MTUS2: variants seen among roughly 807,000 people sequenced by gnomAD.
MTUS2 encodes the protein microtubule-associated tumor suppressor candidate 2.
A neutral mutation model predicts 114.1 loss-of-function variants in MTUS2; 40 were observed. The observed-to-expected ratio is 0.35, with a 90% confidence interval of 0.27 to 0.46. The LOEUF is 0.46. Ranked by LOEUF, MTUS2 falls within the 20% of genes least tolerant of loss-of-function variation. The pLI, the probability that MTUS2 is intolerant of heterozygous loss-of-function variation, is 1.00. For missense variants in MTUS2, 1,679 were observed against 1,705.4 expected, an observed-to-expected ratio of 0.98 and a Z score of 0.27; for synonymous variants, 688 against 672.0, an observed-to-expected ratio of 1.02 and a Z score of -0.37.
intron 2 of MTUS2, among the ~76,000 whole-genome samples, chr13:28,967,172 T>G (rs1414886961): frequency 6.6e-6 from 1 of 152,172 alleles, no homozygotes; most frequent in South Asian, 2.1e-4. Context: ...TATGGAATGG[T>G]CAGTAGCATC....
Position 29,026,226 on chromosome 13 carries a change from A to G in MTUS2, c.1528A>G (p.Arg510Gly). 6.2e-7 allele frequency: 1 copy of G among 1,614,018 alleles called. No individual in the cohort carries two copies. Among genetic ancestry groups the G allele is most frequent in the Admixed American group, 1.7e-5 (1 of 60,024 alleles). ...GGTCACCACATCTGTTGCTGAAAACAGGAACCTTCTAGAGAATGCAGATAA... is the reference window on the plus strand; with the variant it reads ...GGTCACCACATCTGTTGCTGAAAACGGGAACCTTCTAGAGAATGCAGATAA... ...KEVTTSVAEN[R>G]NLLENADKIE... is the part of the protein sequence containing the mutation. Residue 510 changes from arginine (R) to glycine (G), a missense_variant, in exon 3 of 16, where the codon AGG (arginine) becomes GGG (glycine). Coordinates refer to ENST00000612955, the MANE Select transcript of MTUS2 (RefSeq NM_001033602.4).
intron 9 of MTUS2, among the ~76,000 whole-genome samples, chr13:29,448,645 G>T (rs958944987): frequency 1.3e-5 from 2 of 150,364 alleles, no homozygotes; most frequent in African/African-American, 2.5e-5. Context: ...CAGGCCACTG[G>T]TTTTCATCTT....
intron 6 of MTUS2, among the ~76,000 whole-genome samples, chr13:29,292,763 G>A (rs555407846): frequency 1.9e-4 from 29 of 152,006 alleles, no homozygotes; most frequent in African/African-American, 7.0e-4. Flanking sequence ...AGTGTAGTTT[G>A]CAGTAAAGGG....
At chr13:28,959,514 C>T (rs1395056659) in intron 2 of MTUS2, among the ~76,000 whole-genome samples, 1 of 137,572 alleles carries the variant, frequency 7.3e-6, no homozygotes, top group African/African-American at 2.7e-5. Flanking sequence ...TTGTATGGCT[C>T]ATGGTCTGCA....
intron 5 of MTUS2, among the ~76,000 whole-genome samples, chr13:29,246,575 C>G (rs1043695130): frequency 3.3e-5 from 5 of 152,210 alleles, no homozygotes; most frequent in Non-Finnish European, 5.9e-5. Context: ...AAGTTGAACT[C>G]AAACAGCACC....
intron 6 of MTUS2, among the ~76,000 whole-genome samples, chr13:29,319,330 G>C (rs1900153827): frequency 6.6e-6 from 1 of 152,126 alleles, no homozygotes; most frequent in Non-Finnish European, 1.5e-5. Context: ...TGTCCCCCAG[G>C]GGGGACTTCA....
At chr13:29,502,303 C>T (rs1194117895) in intron 15 of MTUS2, among the ~76,000 whole-genome samples, 1 of 152,242 alleles carries the variant, frequency 6.6e-6, no homozygotes, top group East Asian at 1.9e-4. Context: ...TGTCATTCTT[C>T]AAAAATGCAA....
intron 4 of MTUS2, among the ~76,000 whole-genome samples, chr13:29,062,703 G>A (rs1388952855): frequency 6.6e-6 from 1 of 151,924 alleles, no homozygotes; most frequent in African/African-American, 2.4e-5. Flanking sequence ...TCCCTCCTAT[G>A]TTGATCCTGT....
chr13:28,868,980 A>C (rs1365967830), intron 2 of MTUS2, among the ~76,000 whole-genome samples: 3 of 152,144 alleles, frequency 2.0e-5, no homozygotes, highest in African/African-American at 7.2e-5. Context: ...CTTTACTCTT[A>C]GGTGCAAGCA....
At chr13:28,990,870 G>A (rs981395522) in intron 2 of MTUS2, among the ~76,000 whole-genome samples, 1 of 151,960 alleles carries the variant, frequency 6.6e-6, no homozygotes, top group African/African-American at 2.4e-5. Context: ...GAGGGTCTGC[G>A]GCTTCATTCC....
intron 8 of MTUS2, among the ~76,000 whole-genome samples, chr13:29,374,203 A>G (rs1300449569): frequency 6.6e-6 from 1 of 152,242 alleles, no homozygotes; most frequent in Non-Finnish European, 1.5e-5. Context: ...AACCTAACAG[A>G]CAATTTTAAA....
intron 5 of MTUS2, among the ~76,000 whole-genome samples, chr13:29,248,496 C>A (rs1268425064): frequency 3.3e-5 from 5 of 151,844 alleles, no homozygotes; most frequent in Non-Finnish European, 7.4e-5. Flanking sequence ...CTTTAAGTTC[C>A]AGGATACATG....
chr13:29,391,300 G>C (rs939462357), intron 8 of MTUS2, among the ~76,000 whole-genome samples: 4 of 152,168 alleles, frequency 2.6e-5, no homozygotes, highest in Admixed American at 6.5e-5. Context: ...ATGTTGGCCA[G>C]GTTGGACACC....
intron 4 of MTUS2, among the ~76,000 whole-genome samples, chr13:29,059,787 A>G (rs1026685061): frequency 1.3e-5 from 2 of 152,184 alleles, no homozygotes; most frequent in African/African-American, 4.8e-5. Context: ...CCTGCTGGCT[A>G]AGTTCAGACA....
intron 7 of MTUS2, among the ~76,000 whole-genome samples, chr13:29,338,965 G>A (rs1324327598): frequency 6.6e-6 from 1 of 152,146 alleles, no homozygotes; most frequent in African/African-American, 2.4e-5. Flanking sequence ...AGGTGAAGCA[G>A]TGGGAAGTGC....
At chr13:29,270,363 G>A (rs1669362774) in intron 5 of MTUS2, among the ~76,000 whole-genome samples, 1 of 152,120 alleles carries the variant, frequency 6.6e-6, no homozygotes, top group Admixed American at 6.5e-5. Flanking sequence ...CTCAGACGCG[G>A]TGGACAGCAT....
At chr13:29,436,988 C>T (rs578255282) in intron 8 of MTUS2, among the ~76,000 whole-genome samples, 3 of 152,286 alleles carry the variant, frequency 2.0e-5, no homozygotes, top group African/African-American at 7.2e-5. Context: ...ATAGTCAGCG[C>T]CATACCGAAG....
intron 4 of MTUS2, among the ~76,000 whole-genome samples, chr13:29,061,258 T>C (rs1221527292): frequency 6.6e-6 from 1 of 152,196 alleles, no homozygotes; most frequent in Non-Finnish European, 1.5e-5. Flanking sequence ...TAAAGTTCTT[T>C]TAGAATATCT....
intron 5 of MTUS2, among the ~76,000 whole-genome samples, chr13:29,235,437 AAG>A (rs1408796091): frequency 1.1e-4 from 17 of 152,148 alleles, no homozygotes; most frequent in African/African-American, 4.1e-4. Context: ...ACCTTAAAAA[AAG>A]TTCTCATTTT....
Sources: gnomAD v4.1 joint callset for allele counts (sites outside exome capture counted in the v4.1 genomes callset) on GRCh38, gnomAD v4.1.1 for gene constraint, MANE v1.5 for transcripts, NCBI Gene and HGNC (gene_info 2026-07-23, HGNC 2026-07-21) for gene names.